ZNF713: variants seen among roughly 807,000 people sequenced by gnomAD.
ZNF713 encodes zinc finger protein 713.
ZNF713 carries 21 observed loss-of-function variants against 28.7 expected under a neutral mutation model. The ratio of observed to expected loss-of-function variants is 0.73; its 90% CI spans 0.52 to 1.05. ZNF713 has a LOEUF of 1.05. ZNF713 is among the 50% of genes least tolerant of loss of function. The probability of loss-of-function intolerance (pLI) is 0.00; values close to 1 mark genes in which losing one functional copy is unlikely to be tolerated. For synonymous variants in ZNF713, 167 were observed against 178.0 expected, an observed-to-expected ratio of 0.94 and a Z score of 0.49; for missense variants, 458 against 532.4, an observed-to-expected ratio of 0.86 and a Z score of 1.37.
At chr7:55,889,328 C>G (rs1562732555) in intron 1 of ZNF713, among the ~76,000 whole-genome samples, 1 of 152,122 alleles carries the variant, frequency 6.6e-6, no homozygotes, top group Non-Finnish European at 1.5e-5. Flanking sequence ...TCTCAAACTC[C>G]TGACCTCAGG....
chr7:55,923,396 G>C (rs778421407), intron 5 of ZNF713, 108 bp downstream of exon 5: 3 of 1,429,592 alleles, frequency 2.1e-6, no homozygotes, highest in Non-Finnish European at 2.8e-6. Context: ...TGGGATAGAA[G>C]AATGCTAATC....
chr7:55,887,934 C>G (rs1785308198), intron 1 of ZNF713, among the ~76,000 whole-genome samples: 2 of 133,004 alleles, frequency 1.5e-5, no homozygotes, highest in South Asian at 2.4e-4. Context: ...GGGGCGGCCG[C>G]TGTCCCCGCT....
At chr7:55,918,033 C>T (rs998758594) in intron 4 of ZNF713, 1 of 456,530 alleles carries the variant, frequency 2.2e-6, no homozygotes. Flanking sequence ...GACACTCATC[C>T]CATTATAGAT....
In ZNF713 at chr7:55,940,122, T is replaced by A; in HGVS notation, c.*116T>A. On this transcript the variant is annotated 3_prime_UTR_variant, in exon 7 of 7. Transcript: ENST00000429591. ...TGGAGAGAAAGCTTATACATAAATTTTTGTTTTGTTTTGTTTTTGAGACTG... is the reference window on the plus strand; with the variant it reads ...TGGAGAGAAAGCTTATACATAAATTATTGTTTTGTTTTGTTTTTGAGACTG... 1 of 1,409,732 alleles carries A rather than the reference T, an allele frequency of 7.1e-7. No homozygotes were observed. Among genetic ancestry groups the A allele is most frequent in the Non-Finnish European group, 9.2e-7 (1 of 1,081,782 alleles). 87.3% of individuals were successfully genotyped at this position (1,409,732 alleles called of 1,614,324 possible). A position where few individuals can be genotyped will look rare whatever the true frequency, so the allele number is the denominator to read the frequency against.
rs2116201004 is a variant in ZNF713, at chr7:55,906,679, G to A, written c.-456+300G>A. ...AGCATGCTTTTAAGATTGCAGCTGT[G>A]TTTTATTTTTGGGAATTGGGGCTTG... On this transcript the variant is annotated intron_variant, in intron 2 of 6. Transcript: ENST00000429591. Among the ~76,000 whole-genome samples the A allele has an allele frequency of 2.0e-5, 3 of 152,206 alleles. 1 individual carries two copies. The South Asian group carries it at 6.2e-4, about 32-fold the overall frequency.
chr7:55,887,852 GGCGGGCGGCGGGCGGCGGCGGC>G (rs1785297848), intron 1 of ZNF713, among the ~76,000 whole-genome samples, 172 bp downstream of exon 1: 2 of 22,882 alleles, frequency 8.7e-5, no homozygotes, highest in Non-Finnish European at 1.7e-4. Context: ...CGGCGGCGGC[GGCGGGCGGCGGGCGGCGGCGGC>G]GGCGGCGGCG....
At chr7:55,933,726 CAG>C in intron 6 of ZNF713, among the ~76,000 whole-genome samples, 1 of 152,256 alleles carries the variant, frequency 6.6e-6, no homozygotes, top group African/African-American at 2.4e-5. Flanking sequence ...GTTTGCGAGA[CAG>C]GGTCTGGCTC....
intron 1 of ZNF713, among the ~76,000 whole-genome samples, chr7:55,891,028 T>C (rs1299303521): frequency 6.7e-6 from 1 of 149,334 alleles, no homozygotes; most frequent in Non-Finnish European, 1.5e-5. Flanking sequence ...AATTAAGGAG[T>C]GTGCCTACTC....
chr7:55,925,490 G>A (rs930410385), intron 6 of ZNF713, among the ~76,000 whole-genome samples: 9 of 152,192 alleles, frequency 5.9e-5, no homozygotes, highest in Admixed American at 4.6e-4. Flanking sequence ...GCGTGGTGAC[G>A]TGCGCCTGTA....
intron 4 of ZNF713, among the ~76,000 whole-genome samples, chr7:55,918,744 A>G (rs760283363): frequency 2.0e-5 from 3 of 152,200 alleles, no homozygotes; most frequent in Non-Finnish European, 2.9e-5. Flanking sequence ...AATGCCTGTA[A>G]TCCCAGCACT....
chr7:55,938,527 A>G (rs1317414208), intron 6 of ZNF713, among the ~76,000 whole-genome samples: 1 of 152,128 alleles, frequency 6.6e-6, no homozygotes, highest in Non-Finnish European at 1.5e-5. Context: ...ATCATTTTAA[A>G]CAAAAGATAA....
intron 1 of ZNF713, among the ~76,000 whole-genome samples, chr7:55,903,534 G>C (rs1295285859): frequency 1.3e-5 from 2 of 151,990 alleles, no homozygotes; most frequent in African/African-American, 4.8e-5. Flanking sequence ...GCCAGGTGTG[G>C]CACACTCCTG....
chr7:55,895,245 C>A (rs1456620245), intron 1 of ZNF713, among the ~76,000 whole-genome samples: 1 of 152,012 alleles, frequency 6.6e-6, no homozygotes, highest in Non-Finnish European at 1.5e-5. Flanking sequence ...CAGAAACATT[C>A]ATGAGATACT....
intron 1 of ZNF713, among the ~76,000 whole-genome samples, chr7:55,898,589 C>T (rs1785516543): frequency 6.6e-6 from 1 of 152,150 alleles, no homozygotes; most frequent in African/African-American, 2.4e-5. Flanking sequence ...CACTCATTAT[C>T]GTGAGAACAG....
intron 2 of ZNF713, among the ~76,000 whole-genome samples, chr7:55,906,792 C>G (rs903894654): frequency 2.0e-5 from 3 of 152,122 alleles, no homozygotes; most frequent in African/African-American, 7.2e-5. Flanking sequence ...GTGGACCCAC[C>G]TAACACATGG....
intron 1 of ZNF713, among the ~76,000 whole-genome samples, chr7:55,905,050 T>G (rs1407556525): frequency 6.6e-6 from 1 of 152,154 alleles, no homozygotes. Flanking sequence ...TAAGCCACTC[T>G]TCTCTTCACT....
intron 6 of ZNF713, among the ~76,000 whole-genome samples, chr7:55,938,009 G>C (rs774328875): frequency 3.3e-5 from 5 of 152,082 alleles, no homozygotes; most frequent in Non-Finnish European, 5.9e-5. Flanking sequence ...TTTGAGATCA[G>C]CCTGGCCAAC....
At chr7:55,931,060 T>C (rs1584317568) in intron 6 of ZNF713, among the ~76,000 whole-genome samples, 1 of 152,116 alleles carries the variant, frequency 6.6e-6, no homozygotes, top group East Asian at 1.9e-4. Context: ...ACGAGGTGGG[T>C]GGATCACGTG....
chr7:55,919,333 C>G (rs1216613809), intron 4 of ZNF713, among the ~76,000 whole-genome samples: 1 of 152,112 alleles, frequency 6.6e-6, no homozygotes, highest in African/African-American at 2.4e-5. Flanking sequence ...CTCAGAGGAC[C>G]TGTCCTCTCT....
Sources: gnomAD v4.1 joint callset for allele counts (sites outside exome capture counted in the v4.1 genomes callset) on GRCh38, gnomAD v4.1.1 for gene constraint, MANE v1.5 for transcripts, NCBI Gene and HGNC (gene_info 2026-07-23, HGNC 2026-07-21) for gene names.